GPBP1: variants seen among roughly 807,000 people sequenced by gnomAD.
GPBP1 encodes GC-rich promoter binding protein 1, also known as vasculin.
In GPBP1, 13 loss-of-function variants were observed where a neutral mutation model predicts 56.5. That is an observed-to-expected ratio of 0.23 (90% CI 0.15 to 0.37). GPBP1 has a LOEUF of 0.37. GPBP1 is among the 10% of genes least tolerant of loss of function. The pLI is 1.00. For missense variants in GPBP1, 477 were observed against 572.3 expected (o/e 0.83, Z 1.70); for synonymous variants, 204 against 188.9 (o/e 1.08, Z -0.66).
Position 57,246,308 on chromosome 5 carries a change from C to A in GPBP1, c.487C>A (p.Pro163Thr), listed in dbSNP as rs1183207138. 1 of 1,611,342 alleles carries A rather than the reference C, an allele frequency of 6.2e-7. No homozygotes were observed. The highest frequency in any genetic ancestry group is 8.5e-7 in the Non-Finnish European group (1 of 1,178,420). ...ATGCTTTATTTATGCAGAATATCCT[C>A]CGAATCCTAAATCTAGAGCTCCAAG... The part of the protein sequence containing the change: ...SLAAGVWEYP[P>T]NPKSRAPRML... The change falls in exon 7 of 12, where the codon CCG becomes ACG. Residue 163 changes from proline (P) to threonine (T), a missense_variant. Physicochemically the swap from Pro to Thr is conservative, Grantham distance 38. Transcript: ENST00000506184.
intron 3 of GPBP1, among the ~76,000 whole-genome samples, chr5:57,223,513 A>G (rs1031727839): frequency 6.6e-5 from 10 of 152,160 alleles, no homozygotes; most frequent in Non-Finnish European, 1.5e-4. Flanking sequence ...TCAATATTCA[A>G]TATAATCAAT....
chr5:57,225,554 A>G (rs1756150812), intron 3 of GPBP1, among the ~76,000 whole-genome samples: 1 of 152,094 alleles, frequency 6.6e-6, no homozygotes, highest in Non-Finnish European at 1.5e-5. Context: ...CCATATTAAA[A>G]AAAACTCCGA....
chr5:57,222,160 A>C (rs1203192267), intron 3 of GPBP1, among the ~76,000 whole-genome samples: 2 of 152,112 alleles, frequency 1.3e-5, no homozygotes, highest in Non-Finnish European at 2.9e-5. Context: ...TATTTTTAAA[A>C]ACAGTCCAGA....
intron 9 of GPBP1, among the ~76,000 whole-genome samples, chr5:57,250,202 C>A (rs191243042): frequency 1.3e-5 from 2 of 151,604 alleles, no homozygotes; most frequent in South Asian, 4.2e-4. Flanking sequence ...CGGGGTTTCA[C>A]CACGTTGGCC....
In GPBP1 at chr5:57,263,019, C is replaced by T. The variant is rs1741967887; in HGVS notation, c.*267C>T. ...ATCACTGCAACATTTCTCTGACTAGCAATGTGACGATGTAACAAATGAGAT... is the reference window on the plus strand; with the variant it reads ...ATCACTGCAACATTTCTCTGACTAGTAATGTGACGATGTAACAAATGAGAT... On this transcript the variant is annotated 3_prime_UTR_variant, in exon 12 of 12. Coordinates refer to ENST00000506184, the MANE Select transcript of GPBP1 (RefSeq NM_022913.4). 2 of 290,406 alleles carry T rather than the reference C, an allele frequency of 6.9e-6. No individual in the cohort carries two copies. Among genetic ancestry groups the T allele is most frequent in the Non-Finnish European group, 1.3e-5 (2 of 156,958 alleles). The allele number at this position is 290,406 out of a possible 1,614,324, so 18.0% of individuals were successfully genotyped here.
intron 5 of GPBP1, among the ~76,000 whole-genome samples, chr5:57,232,804 G>A (rs993354327): frequency 5.3e-5 from 8 of 152,176 alleles, no homozygotes; most frequent in Non-Finnish European, 1.2e-4. Context: ...TGGCCTTGCC[G>A]AGGAAGTTAA....
intron 3 of GPBP1, among the ~76,000 whole-genome samples, chr5:57,216,004 G>A (rs1214404246): frequency 6.6e-6 from 1 of 152,094 alleles, no homozygotes; most frequent in African/African-American, 2.4e-5. Flanking sequence ...ATTACTCCAC[G>A]CGCTAGGTGG....
intron 2 of GPBP1, among the ~76,000 whole-genome samples, chr5:57,213,094 C>T (rs1471327851): frequency 6.6e-6 from 1 of 151,818 alleles, no homozygotes; most frequent in East Asian, 1.9e-4. Context: ...TGCTCTTTTG[C>T]CCAGGCTGGA....
chr5:57,195,016 C>T (rs114674615), intron 2 of GPBP1, among the ~76,000 whole-genome samples: 3,920 of 151,870 alleles, frequency 0.026, 53 homozygotes, highest in Middle Eastern at 0.068. Flanking sequence ...GGATATATAC[C>T]CAGCAGTGGG....
At chr5:57,185,342 A>G (rs902255120) in intron 2 of GPBP1, among the ~76,000 whole-genome samples, 16 of 150,320 alleles carry the variant, frequency 1.1e-4, no homozygotes, top group South Asian at 6.3e-4. Flanking sequence ...GCTCACTGCA[A>G]CCTCCGCCTA....
At chr5:57,232,651 T>C (rs951487343) in intron 5 of GPBP1, among the ~76,000 whole-genome samples, 2 of 152,310 alleles carry the variant, frequency 1.3e-5, no homozygotes, top group Non-Finnish European at 2.9e-5. Flanking sequence ...AAATACAGAA[T>C]GTGAAGTCCT....
chr5:57,217,041 CAA>C (rs1396462438), intron 3 of GPBP1, among the ~76,000 whole-genome samples: 7 of 151,970 alleles, frequency 4.6e-5, no homozygotes, highest in African/African-American at 1.7e-4. Context: ...AAGGAGAGTG[CAA>C]ATTATTAAAA....
At chr5:57,222,189 G>T (rs71624156) in intron 3 of GPBP1, among the ~76,000 whole-genome samples, 73 of 152,222 alleles carry the variant, frequency 4.8e-4, no homozygotes, top group Admixed American at 1.8e-3. Flanking sequence ...CAGTGTAAGA[G>T]GGAATGGATG....
At chr5:57,179,808 G>A (rs911594731) in intron 2 of GPBP1, among the ~76,000 whole-genome samples, 3 of 152,144 alleles carry the variant, frequency 2.0e-5, no homozygotes, top group African/African-American at 7.2e-5. Context: ...ACGTTGGTCA[G>A]GCTGTTCTCA....
chr5:57,244,964 C>T (rs1056008347), intron 6 of GPBP1, among the ~76,000 whole-genome samples: 10 of 152,172 alleles, frequency 6.6e-5, no homozygotes, highest in African/African-American at 1.2e-4. Context: ...TCTTGAGCTC[C>T]GGACCTCATG....
chr5:57,238,439 TC>T (rs955475854), intron 6 of GPBP1, among the ~76,000 whole-genome samples: 1 of 152,074 alleles, frequency 6.6e-6, no homozygotes, highest in Admixed American at 6.5e-5. Flanking sequence ...ATGCCTGTAA[TC>T]CTAGCTACTC....
At chr5:57,204,078 G>C in intron 2 of GPBP1, among the ~76,000 whole-genome samples, 1 of 152,136 alleles carries the variant, frequency 6.6e-6, no homozygotes. Context: ...ATCAACAAGG[G>C]AAGTCTGTAG....
chr5:57,223,708 G>C, intron 3 of GPBP1, among the ~76,000 whole-genome samples: 1 of 149,770 alleles, frequency 6.7e-6, no homozygotes, highest in East Asian at 1.9e-4. Context: ...GTCGCTTCTG[G>C]GTATAATTGG....
intron 2 of GPBP1, among the ~76,000 whole-genome samples, chr5:57,192,353 A>C (rs1226002222): frequency 6.6e-6 from 1 of 152,152 alleles, no homozygotes; most frequent in South Asian, 2.1e-4. Context: ...GCTAGATTGC[A>C]GTGGTAGCTC....
Sources: gnomAD v4.1 joint callset for allele counts (sites outside exome capture counted in the v4.1 genomes callset) on GRCh38, gnomAD v4.1.1 for gene constraint, MANE v1.5 for transcripts, NCBI Gene and HGNC (gene_info 2026-07-23, HGNC 2026-07-21) for gene names.